The following KCTD8 variants were observed in gnomAD, a reference collection of about 807,000 sequenced individuals.
KCTD8 encodes the protein potassium channel tetramerization domain containing 8.
Under a neutral mutation model 31.5 loss-of-function variants are expected in KCTD8, and 27 were observed. The observed-to-expected ratio is 0.86, with a 90% CI of 0.63 to 1.18. The LOEUF is 1.18. Among genes scored for constraint, KCTD8 ranks in the 50% most tolerant of loss-of-function variants. The pLI, the probability that KCTD8 is intolerant of heterozygous loss-of-function variation, is 0.00. For missense variants in KCTD8, 658 were observed against 647.7 expected, an observed-to-expected ratio of 1.02 and a Z score of -0.17; for synonymous variants, 290 against 280.0, an observed-to-expected ratio of 1.04 and a Z score of -0.36.
intron 1 of KCTD8, among the ~76,000 whole-genome samples, chr4:44,337,958 G>A (rs1015691932): frequency 1.3e-5 from 2 of 151,802 alleles, no homozygotes; most frequent in African/African-American, 4.8e-5. Context: ...GAGTGCTTAA[G>A]TAAACAGAAT....
intron 1 of KCTD8, among the ~76,000 whole-genome samples, chr4:44,213,275 T>C (rs1398176608): frequency 6.6e-6 from 1 of 152,176 alleles, no homozygotes; most frequent in South Asian, 2.1e-4. Flanking sequence ...TTATATTTTA[T>C]TTTTGTTTCA....
intron 1 of KCTD8, among the ~76,000 whole-genome samples, chr4:44,279,331 G>A (rs529833734): frequency 6.6e-6 from 1 of 152,082 alleles, no homozygotes; most frequent in South Asian, 2.1e-4. Context: ...GAAGCTGGGG[G>A]AGACCTGCTT....
rs113088933 is a variant in KCTD8 at position 44,326,587 on chromosome 4, T to C, written c.961+120976A>G. ...GTTTAAGCATTATTTTACTTTCACA[T>C]TTTTGCTCCTCTTTTCTTATATAAA... On this transcript the variant is annotated intron_variant, in intron 1 of 1. Coordinates refer to ENST00000360029, the MANE Select transcript of KCTD8 (RefSeq NM_198353.3). Among the ~76,000 whole-genome samples the C allele has an allele frequency of 7.9e-3, 1,205 of 151,932 alleles. 26 individuals carry two copies. The highest frequency in any genetic ancestry group is 0.027 in the African/African-American group (1,124 of 41,402).
intron 1 of KCTD8, among the ~76,000 whole-genome samples, chr4:44,244,812 T>C (rs568384631): frequency 3.4e-5 from 5 of 145,364 alleles, no homozygotes; most frequent in African/African-American, 1.2e-4. Flanking sequence ...TTCATACCCT[T>C]TGTGTTCAAT....
At chr4:44,375,951 C>G (rs926167220) in intron 1 of KCTD8, among the ~76,000 whole-genome samples, 1 of 150,630 alleles carries the variant, frequency 6.6e-6, no homozygotes. Context: ...TCTCTCTCTA[C>G]TCCTTACTCA....
intron 1 of KCTD8, among the ~76,000 whole-genome samples, chr4:44,283,507 G>A (rs534688186): frequency 2.6e-4 from 40 of 152,214 alleles, no homozygotes; most frequent in East Asian, 2.3e-3. Context: ...AAAGCCAACA[G>A]TCATATTCCA....
intron 1 of KCTD8, among the ~76,000 whole-genome samples, chr4:44,303,033 G>A (rs1717677166): frequency 6.6e-6 from 1 of 152,106 alleles, no homozygotes. Flanking sequence ...ATTTATTTGT[G>A]CATATTGAAC....
chr4:44,342,291 C>T (rs1300102617), intron 1 of KCTD8, among the ~76,000 whole-genome samples: 3 of 150,182 alleles, frequency 2.0e-5, no homozygotes, highest in Non-Finnish European at 4.4e-5. Flanking sequence ...ATGGCATGAA[C>T]CCAGGAGGCG....
chr4:44,181,769 T>G (rs1336541527), intron 1 of KCTD8, among the ~76,000 whole-genome samples: 1 of 146,718 alleles, frequency 6.8e-6, no homozygotes, highest in Non-Finnish European at 1.5e-5. Flanking sequence ...GAGGAGAGCC[T>G]CTTCCCGGCC....
chr4:44,324,141 G>C (rs1262748471), intron 1 of KCTD8, among the ~76,000 whole-genome samples: 8 of 151,558 alleles, frequency 5.3e-5, no homozygotes, highest in African/African-American at 1.9e-4. Context: ...AGCAAATAGA[G>C]GGCTAAATGA....
At chr4:44,215,725 A>T (rs74339961) in intron 1 of KCTD8, among the ~76,000 whole-genome samples, 4,655 of 152,310 alleles carry the variant, frequency 0.031, 241 homozygotes, top group African/African-American at 0.11. Flanking sequence ...CAGAGATTTA[A>T]TGAATCCAAA....
chr4:44,316,777 C>T (rs1718125308), intron 1 of KCTD8, among the ~76,000 whole-genome samples: 1 of 123,552 alleles, frequency 8.1e-6, no homozygotes, highest in African/African-American at 3.1e-5. Context: ...AGTGAAACCC[C>T]ATCTCTACTA....
intron 1 of KCTD8, among the ~76,000 whole-genome samples, chr4:44,361,519 T>C (rs2109430515): frequency 6.6e-6 from 1 of 152,212 alleles, no homozygotes; most frequent in Non-Finnish European, 1.5e-5. Context: ...TTTGTCAATC[T>C]CTTAAAAAGT....
At chr4:44,231,997 T>C (rs541698489) in intron 1 of KCTD8, among the ~76,000 whole-genome samples, 2 of 152,276 alleles carry the variant, frequency 1.3e-5, no homozygotes, top group Non-Finnish European at 2.9e-5. Flanking sequence ...GATACTATTG[T>C]CACTATCTTT....
At chr4:44,392,535 A>G (rs566127127) in intron 1 of KCTD8, among the ~76,000 whole-genome samples, 106 of 152,074 alleles carry the variant, frequency 7.0e-4, no homozygotes, top group Non-Finnish European at 1.4e-3. Flanking sequence ...AAGACTTTGA[A>G]TTTATCCAAA....
chr4:44,333,393 G>A (rs536177238), intron 1 of KCTD8, among the ~76,000 whole-genome samples: 2 of 152,202 alleles, frequency 1.3e-5, no homozygotes, highest in African/African-American at 4.8e-5. Flanking sequence ...CTGGGCTACT[G>A]TCTTAAGTAA....
chr4:44,431,125 C>G (rs900604440), intron 1 of KCTD8, among the ~76,000 whole-genome samples: 1 of 151,680 alleles, frequency 6.6e-6, no homozygotes, highest in African/African-American at 2.4e-5. Context: ...CAACCACTGA[C>G]AAAGTTAATC....
rs965849345 is a variant in KCTD8 at position 44,345,403 on chromosome 4, G to A, written c.961+102160C>T. On this transcript the variant is annotated intron_variant, in intron 1 of 1. Transcript: ENST00000360029. ...AAAAATGGTTTCAAAAGTACTCTCT[G>A]GTCAGATTTATACAAGGCAAAATGA... 7.9e-5 allele frequency among the ~76,000 whole-genome samples: 12 copies of A among 151,996 alleles called. 1 individual carries two copies. The highest frequency in any genetic ancestry group is 1.3e-4 in the Admixed American group (2 of 15,268).
chr4:44,251,645 TTA>T (rs2109361625), intron 1 of KCTD8, among the ~76,000 whole-genome samples: 1 of 151,680 alleles, frequency 6.6e-6, no homozygotes, highest in Non-Finnish European at 1.5e-5. Context: ...CTACAAATTT[TTA>T]TGTTAATAGG....
Sources: allele counts gnomAD v4.1 joint callset (sites outside exome capture counted in the v4.1 genomes callset), GRCh38; gene constraint gnomAD v4.1.1; transcripts MANE v1.5; gene names NCBI Gene and HGNC (gene_info 2026-07-23, HGNC 2026-07-21).